RMND5A: variants seen among roughly 807,000 people sequenced by gnomAD.
The protein encoded by RMND5A is required for meiotic nuclear division 5 homolog A.
In RMND5A, 17 loss-of-function variants were observed where a neutral mutation model predicts 49.7. The observed-to-expected ratio is 0.34, with a 90% CI of 0.23 to 0.51. The LOEUF (loss-of-function observed/expected upper bound fraction) is 0.51, where lower values mean the gene tolerates loss of function less well. Among genes scored for constraint, RMND5A ranks in the 20% least tolerant of loss-of-function variants. RMND5A has a pLI of 0.96. For missense variants in RMND5A, 255 were observed against 471.3 expected, an observed-to-expected ratio of 0.54 and a Z score of 4.25; for synonymous variants, 156 against 167.7, an observed-to-expected ratio of 0.93 and a Z score of 0.54.
chr2:86,729,661 A>C lies in RMND5A; in HGVS notation c.142+8852A>C, dbSNP rs1241854093. Among the ~76,000 whole-genome samples the C allele has an allele frequency of 2.1e-5, 2 of 96,198 alleles. 1 individual carries two copies. Among genetic ancestry groups the C allele is most frequent in the Non-Finnish European group, 5.1e-5 (2 of 39,216 alleles). 63.1% of individuals were successfully genotyped at this position (96,198 alleles called of 152,430 possible). A position where few individuals can be genotyped will look rare whatever the true frequency, so the allele number is the denominator to read the frequency against. On this transcript the variant is annotated intron_variant, in intron 1 of 8. Coordinates refer to ENST00000283632, the MANE Select transcript of RMND5A (RefSeq NM_022780.4). The stretch of plus-strand genomic sequence containing the variant: ...AGCAGAGATTGAATATGGATAGCAG[A>C]AAGAGCAGATGGAGTGCCTGGAGGG...
At chr2:86,742,719 A>G (rs1215425338) in intron 2 of RMND5A, among the ~76,000 whole-genome samples, 1 of 151,572 alleles carries the variant, frequency 6.6e-6, no homozygotes, top group Non-Finnish European at 1.5e-5. Flanking sequence ...TGGTGATTCT[A>G]AATGGCTCAA....
At chr2:86,766,909 A>G (rs912293922) in intron 6 of RMND5A, among the ~76,000 whole-genome samples, 3 of 152,188 alleles carry the variant, frequency 2.0e-5, no homozygotes, top group African/African-American at 7.2e-5. Flanking sequence ...AGTACACATC[A>G]TCTTAATAAT....
Position 86,776,685 on chromosome 2 carries a change from G to A in RMND5A, c.*3274G>A, listed in dbSNP as rs1161532297. ...CCTCTGGTTTTCCAGCTCAACCTCTGATAAAGTGGACTGAGAGCCACGCTG... is the reference window on the plus strand; with the variant it reads ...CCTCTGGTTTTCCAGCTCAACCTCTAATAAAGTGGACTGAGAGCCACGCTG... On this transcript the variant is annotated 3_prime_UTR_variant, in exon 9 of 9. Transcript: ENST00000283632. 1 of 152,200 alleles carries A rather than the reference G, an allele frequency of 6.6e-6. No individual in the cohort carries two copies. The highest frequency in any genetic ancestry group is 1.5e-5 in the Non-Finnish European group (1 of 68,044). The allele number at this position is 152,200 out of a possible 1,614,324, so 9.4% of individuals were successfully genotyped here.
intron 1 of RMND5A, among the ~76,000 whole-genome samples, chr2:86,721,900 C>T (rs1681233452): frequency 7.6e-6 from 1 of 131,874 alleles, no homozygotes; most frequent in Non-Finnish European, 1.6e-5. Context: ...TCACACTTTC[C>T]CAGACTGCGT....
intron 2 of RMND5A, among the ~76,000 whole-genome samples, chr2:86,750,205 G>A (rs1681609656): frequency 6.6e-6 from 1 of 152,320 alleles, no homozygotes; most frequent in Middle Eastern, 3.4e-3. Context: ...TGTGATGTAC[G>A]TTTGCTCTTC....
intron 4 of RMND5A, among the ~76,000 whole-genome samples, chr2:86,754,519 C>CT (rs1203299925): frequency 3.3e-5 from 5 of 152,178 alleles, no homozygotes; most frequent in African/African-American, 1.2e-4. Context: ...TTTAGTTCCA[C>CT]TAACCCATTT....
Position 86,751,902 on chromosome 2 carries a change from G to C in RMND5A, c.292G>C (p.Asp98His), listed in dbSNP as rs1558722760. 1 of 1,610,448 alleles carries C rather than the reference G, an allele frequency of 6.2e-7. No homozygotes were observed. Among genetic ancestry groups the C allele is most frequent in the Non-Finnish European group, 8.5e-7 (1 of 1,178,016 alleles). The part of the protein sequence containing the change: ...RVGKAIDKNF[D>H]SDISSVGIDG... ...TTCTCTTTCTTTTCCCCAGAATTTT[G>C]ATTCTGACATTAGCAGTGTGGGAAT... Residue 98 changes from aspartate (D) to histidine (H), a missense_variant, in exon 3 of 9, where the codon GAT becomes CAT. Asp to His is a moderately conservative substitution (Grantham distance 81, BLOSUM62 -1). This residue lies in a region of RMND5A where 5 missense variants were observed against 71.5 expected (regional missense o/e 0.07). Coordinates refer to ENST00000283632, the MANE Select transcript of RMND5A (RefSeq NM_022780.4).
At chr2:86,771,393 T>C (rs1273074120) in intron 7 of RMND5A, 165 bp from the exon 8 acceptor site, 1 of 521,150 alleles carries the variant, frequency 1.9e-6, no homozygotes, top group Non-Finnish European at 3.2e-6. Context: ...ATTTAACACT[T>C]TGAATCACTA....
chr2:86,775,076 G>T lies in RMND5A; in HGVS notation c.*1665G>T, dbSNP rs1672744049. ...GGGATTGGCCCAGCTTGGAGTGCTT[G>T]TGTGGTCCAACCTCAGTCTGGCCCC... On this transcript the variant is annotated 3_prime_UTR_variant, in exon 9 of 9. Transcript: ENST00000283632. The T allele has an allele frequency of 6.5e-6, 1 of 152,696 alleles. No homozygotes were observed. The highest frequency in any genetic ancestry group is 2.1e-4 in the South Asian group (1 of 4,832). 9.5% of individuals were successfully genotyped at this position (152,696 alleles called of 1,614,324 possible).
At chr2:86,764,828 C>T (rs1672563536) in intron 4 of RMND5A, among the ~76,000 whole-genome samples, 199 bp from the exon 5 acceptor site, 1 of 152,218 alleles carries the variant, frequency 6.6e-6, no homozygotes, top group African/African-American at 2.4e-5. Flanking sequence ...TTTTCTTTCA[C>T]TGGCTGAAGG....
chr2:86,755,916 C>T (rs2104400199), intron 4 of RMND5A, among the ~76,000 whole-genome samples: 1 of 152,176 alleles, frequency 6.6e-6, no homozygotes, highest in East Asian at 1.9e-4. Flanking sequence ...TAGCATCGTT[C>T]TAAGCATTTT....
chr2:86,754,857 G>A (rs1681702884), intron 4 of RMND5A, among the ~76,000 whole-genome samples: 1 of 151,996 alleles, frequency 6.6e-6, no homozygotes, highest in East Asian at 1.9e-4. Context: ...CTCTGTACTT[G>A]GCCATTTCTC....
At chr2:86,724,292 G>T (rs1178994607) in intron 1 of RMND5A, among the ~76,000 whole-genome samples, 1 of 96,178 alleles carries the variant, frequency 1.0e-5, no homozygotes, top group Non-Finnish European at 2.0e-5. Flanking sequence ...GAAGAGCTCT[G>T]CCGAGGCCAA....
At position 86,720,572 on chromosome 2, in the gene RMND5A, T is replaced by C; in HGVS notation, c.-96T>C. Reference sequence around the variant, plus strand: ...CGCCTCAGCCTCCCGCGCCGCCCGCTTGGGGAACGAGGAGCAGGACGCGGC... The same window carrying C: ...CGCCTCAGCCTCCCGCGCCGCCCGCCTGGGGAACGAGGAGCAGGACGCGGC... On this transcript the variant is annotated 5_prime_UTR_variant, in exon 1 of 9. Transcript: ENST00000283632. 1 of 1,130,640 alleles carries C rather than the reference T, an allele frequency of 8.8e-7. No homozygotes were observed. The highest frequency in any genetic ancestry group is 3.6e-5 in the South Asian group (1 of 27,812). 70.0% of individuals were successfully genotyped at this position (1,130,640 alleles called of 1,614,324 possible). A position where few individuals can be genotyped will look rare whatever the true frequency, so the allele number is the denominator to read the frequency against.
In RMND5A at chr2:86,773,099, G is replaced by T. The variant is rs1672709757; in HGVS notation, c.1113-249G>T. 2.0e-5 allele frequency among the ~76,000 whole-genome samples: 3 copies of T among 152,146 alleles called. No individual in the cohort carries two copies. The South Asian group carries it at 6.2e-4, about 32-fold the overall frequency. ...AACCCCAAAAACAATTTCCAGAAAA[G>T]TTACCTTTGTTTTGTTTAAGAAACA... On this transcript the variant is annotated intron_variant, in intron 8 of 8. Transcript: ENST00000283632.
intron 1 of RMND5A, among the ~76,000 whole-genome samples, chr2:86,721,367 A>G (rs970586373): frequency 3.9e-5 from 6 of 151,900 alleles, no homozygotes; most frequent in Admixed American, 2.0e-4. Context: ...CGCTCCTGCA[A>G]CTTCATGATT....
At chr2:86,750,400 T>G (rs1329626949) in intron 2 of RMND5A, among the ~76,000 whole-genome samples, 1 of 152,214 alleles carries the variant, frequency 6.6e-6, no homozygotes, top group Non-Finnish European at 1.5e-5. Flanking sequence ...TGACAGTTAT[T>G]TTCTTTCAGT....
chr2:86,721,147 A>T (rs1573424602), intron 1 of RMND5A: 1 of 253,394 alleles, frequency 3.9e-6, no homozygotes, highest in South Asian at 5.0e-5. Flanking sequence ...CCCCGCTCCC[A>T]GCCGGCCCCG....
chr2:86,732,386 G>A (rs1260152435), intron 1 of RMND5A, among the ~76,000 whole-genome samples: 6 of 149,598 alleles, frequency 4.0e-5, no homozygotes, highest in Admixed American at 6.6e-5. Context: ...GATGAGAAAC[G>A]TACTTGTCAA....
Sources: allele counts gnomAD v4.1 joint callset (sites outside exome capture counted in the v4.1 genomes callset), GRCh38; gene constraint gnomAD v4.1.1; regional missense constraint gnomAD v4.1.1; transcripts MANE v1.5; gene names NCBI Gene and HGNC (gene_info 2026-07-23, HGNC 2026-07-21).